B3GAT2: variants seen among roughly 807,000 people sequenced by gnomAD.
B3GAT2 encodes galactosylgalactosylxylosylprotein 3-beta-glucuronosyltransferase 2.
B3GAT2 carries 26 observed loss-of-function variants against 27.8 expected under a neutral mutation model. The observed-to-expected ratio is 0.93, with a 90% CI of 0.68 to 1.30. B3GAT2 has a LOEUF of 1.30. Among genes scored for constraint, B3GAT2 ranks in the 50% most tolerant of loss-of-function variants. The probability of loss-of-function intolerance (pLI) is 0.00; values close to 1 mark genes in which losing one functional copy is unlikely to be tolerated. For missense variants in B3GAT2, 458 were observed against 459.0 expected, an observed-to-expected ratio of 1.00 and a Z score of 0.02; for synonymous variants, 218 against 195.1, an observed-to-expected ratio of 1.12 and a Z score of -0.98.
At chr6:70,945,907 G>A (rs1765474788) in intron 1 of B3GAT2, among the ~76,000 whole-genome samples, 1 of 151,600 alleles carries the variant, frequency 6.6e-6, no homozygotes, top group African/African-American at 2.4e-5. Context: ...AAGAGAGTGG[G>A]GGCCAATATT....
chr6:70,930,853 T>C (rs1266578396), intron 1 of B3GAT2, among the ~76,000 whole-genome samples: 2 of 152,216 alleles, frequency 1.3e-5, no homozygotes, highest in Admixed American at 6.5e-5. Context: ...CAAAGGATTA[T>C]AAATCATGCT....
At chr6:70,863,021 CTG>C (rs1771788830) in intron 2 of B3GAT2, among the ~76,000 whole-genome samples, 1 of 152,184 alleles carries the variant, frequency 6.6e-6, no homozygotes, top group African/African-American at 2.4e-5. Context: ...GTTTAACAAA[CTG>C]TTTAAAGCTC....
intron 1 of B3GAT2, among the ~76,000 whole-genome samples, chr6:70,936,943 CA>C (rs879660689): frequency 3.3e-5 from 5 of 151,714 alleles, no homozygotes; most frequent in African/African-American, 9.7e-5. Flanking sequence ...AAAAACCCTT[CA>C]AAAAATTAAT....
At chr6:70,911,285 T>C (rs1035604605) in intron 1 of B3GAT2, among the ~76,000 whole-genome samples, 1 of 152,054 alleles carries the variant, frequency 6.6e-6, no homozygotes, top group East Asian at 1.9e-4. Context: ...GGTTTTATAG[T>C]TTTTACAGTT....
chr6:70,918,029 T>C (rs931345576), intron 1 of B3GAT2, among the ~76,000 whole-genome samples: 3 of 152,152 alleles, frequency 2.0e-5, no homozygotes, highest in African/African-American at 7.2e-5. Flanking sequence ...TGTGTGGGAG[T>C]CTAAGTCTCT....
chr6:70,940,646 G>A (rs1311221190), intron 1 of B3GAT2, among the ~76,000 whole-genome samples: 1 of 151,972 alleles, frequency 6.6e-6, no homozygotes, highest in African/African-American at 2.4e-5. Context: ...CCACACCTAG[G>A]GCCAGGCACC....
In B3GAT2 at chr6:70,857,761, C is replaced by T. The variant is rs1239833617; in HGVS notation, c.*3902G>A. On this transcript the variant is annotated 3_prime_UTR_variant, in exon 4 of 4. Coordinates refer to ENST00000230053, the MANE Select transcript of B3GAT2 (RefSeq NM_080742.3). ...CTGCATCCTAGAAACAACCAGCTCT[C>T]AGGGTTTAGGTGTGGGTTGGTCTGA... 2.8e-5 allele frequency: 18 copies of T among 645,820 alleles called. No homozygotes were observed. Among genetic ancestry groups the T allele is most frequent in the Admixed American group, 8.9e-5 (3 of 33,536 alleles). 40.0% of individuals were successfully genotyped at this position (645,820 alleles called of 1,614,324 possible).
rs564176629 is a variant in B3GAT2 at position 70,857,170 on chromosome 6, C to T, written c.*4493G>A. On this transcript the variant is annotated 3_prime_UTR_variant, in exon 4 of 4. Coordinates refer to ENST00000230053, the MANE Select transcript of B3GAT2 (RefSeq NM_080742.3). ...GTTGCAGTTTATACAACTATGAAGC[C>T]GAAATGAATGAGCATTAGAATTAAA... 18 of 747,656 alleles carry T rather than the reference C, an allele frequency of 2.4e-5. No individual in the cohort carries two copies. Among genetic ancestry groups the T allele is most frequent in the East Asian group, 9.2e-5 (3 of 32,700 alleles). The allele number at this position is 747,656 out of a possible 1,614,324, so 46.3% of individuals were successfully genotyped here. A position where few individuals can be genotyped will look rare whatever the true frequency, so the allele number is the denominator to read the frequency against.
intron 1 of B3GAT2, among the ~76,000 whole-genome samples, chr6:70,948,047 T>C (rs13191031): frequency 2.6e-5 from 4 of 152,012 alleles, no homozygotes; most frequent in Admixed American, 6.6e-5. Context: ...ATGCTAAAAA[T>C]TCTCAATAAA....
intron 1 of B3GAT2, among the ~76,000 whole-genome samples, chr6:70,945,779 C>G (rs983007529): frequency 1.3e-5 from 2 of 149,964 alleles, no homozygotes; most frequent in African/African-American, 4.9e-5. Context: ...GTCAGATTCA[C>G]CAAAGTTGAA....
At chr6:70,898,021 T>C (rs1772422743) in intron 1 of B3GAT2, among the ~76,000 whole-genome samples, 1 of 152,230 alleles carries the variant, frequency 6.6e-6, no homozygotes, top group Non-Finnish European at 1.5e-5. Flanking sequence ...CATAGCTTTA[T>C]AATAAGTCTT....
chr6:70,956,242 G>A lies in B3GAT2; in HGVS notation c.188C>T (p.Thr63Ile). The part of the protein sequence containing the change: ...PLRRGGPAHG[T>I]QKRNQSRPQP... ...CGGCCGAGACTGGTTGCGCTTTTGG[G>A]TCCCGTGAGCCGGGCCGCCCCTGCG... is the stretch of plus-strand genomic sequence containing the variant. Residue 63 changes from threonine (T) to isoleucine (I), a missense_variant, in exon 1 of 4, where the codon ACC becomes ATC. Transcript: ENST00000230053. The A allele has an allele frequency of 1.9e-6, 3 of 1,612,100 alleles. 1 individual carries two copies. The highest frequency in any genetic ancestry group is 2.2e-5 in the South Asian group (2 of 90,940).
chr6:70,900,767 T>C (rs1456215292), intron 1 of B3GAT2, among the ~76,000 whole-genome samples: 1 of 152,216 alleles, frequency 6.6e-6, no homozygotes, highest in Non-Finnish European at 1.5e-5. Flanking sequence ...AAAAGTTAAA[T>C]GTCTTTAGCT....
intron 1 of B3GAT2, among the ~76,000 whole-genome samples, chr6:70,949,125 C>T (rs1277358990): frequency 1.3e-5 from 2 of 152,018 alleles, no homozygotes; most frequent in African/African-American, 4.8e-5. Context: ...TAGGCATTAC[C>T]ATTCAGGACA....
chr6:70,887,368 A>G (rs963494128), intron 2 of B3GAT2, among the ~76,000 whole-genome samples: 1 of 152,214 alleles, frequency 6.6e-6, no homozygotes, highest in Non-Finnish European at 1.5e-5. Flanking sequence ...CAGAGAGCCC[A>G]CAGAAAGCAG....
chr6:70,909,584 G>C (rs1196017495), intron 1 of B3GAT2, among the ~76,000 whole-genome samples: 1 of 152,166 alleles, frequency 6.6e-6, no homozygotes, highest in Non-Finnish European at 1.5e-5. Context: ...AGCTGTATCA[G>C]AAGGTAATTG....
intron 1 of B3GAT2, among the ~76,000 whole-genome samples, chr6:70,939,807 A>G (rs950496200): frequency 1.3e-5 from 2 of 152,044 alleles, no homozygotes; most frequent in African/African-American, 4.8e-5. Flanking sequence ...AGACTAGTTA[A>G]TGGGTGCAGC....
chr6:70,956,005 A>T lies in B3GAT2; in HGVS notation c.425T>A (p.Val142Glu). ...RAGLPSTHLH[V>E]PTPRRYKRPG... ...CCGCTTGTAGCGCCGCGGCGTGGGC[A>T]CGTGCAGGTGAGTGCTGGGCAGCCC... Residue 142 changes from valine to glutamate, a missense_variant, in exon 1 of 4, where the codon GTG becomes GAG. Physicochemically the swap from Val to Glu is moderately radical, Grantham distance 121 (BLOSUM62 -2). Transcript: ENST00000230053. The T allele has an allele frequency of 6.8e-7, 1 of 1,466,170 alleles. No homozygotes were observed. Among genetic ancestry groups the T allele is most frequent in the South Asian group, 1.4e-5 (1 of 70,492 alleles). The allele number at this position is 1,466,170 out of a possible 1,614,324, so 90.8% of individuals were successfully genotyped here. A position where few individuals can be genotyped will look rare whatever the true frequency, so the allele number is the denominator to read the frequency against.
At chr6:70,891,018 T>A (rs1264734985) in intron 2 of B3GAT2, among the ~76,000 whole-genome samples, 4 of 152,228 alleles carry the variant, frequency 2.6e-5, no homozygotes, top group African/African-American at 9.6e-5. Flanking sequence ...TTTCAAGCAG[T>A]CGTTCTTACT....
Sources: allele counts gnomAD v4.1 joint callset (sites outside exome capture counted in the v4.1 genomes callset), GRCh38; gene constraint gnomAD v4.1.1; transcripts MANE v1.5; gene names NCBI Gene and HGNC (gene_info 2026-07-23, HGNC 2026-07-21).